The following FAM163A variants were observed in gnomAD, a reference collection of about 807,000 sequenced individuals.
FAM163A encodes family with sequence similarity 163 member A, also known as protein FAM163A.
Under a neutral mutation model 12.0 loss-of-function variants are expected in FAM163A, and 7 were observed. The observed-to-expected ratio is 0.58, with a 90% CI of 0.33 to 1.10. The LOEUF (loss-of-function observed/expected upper bound fraction) is 1.10. Among genes scored for constraint, FAM163A ranks in the 50% least tolerant of loss-of-function variants. The pLI, the probability that FAM163A is intolerant of heterozygous loss-of-function variation, is 0.03. For synonymous variants in FAM163A, 101 were observed against 91.0 expected (o/e 1.11, Z -0.62); for missense variants, 202 against 218.6 (o/e 0.92, Z 0.48).
the FAM163A span, among the ~76,000 whole-genome samples, chr1:179,731,197 G>C: frequency 6.6e-6 from 1 of 151,324 alleles, no homozygotes; most frequent in Non-Finnish European, 1.5e-5. Flanking sequence ...ATACAGTCAG[G>C]GGACAAATAT....
upstream of FAM163A, chr1:179,743,041 G>A (rs1185513730): frequency 6.6e-6 from 1 of 152,356 alleles, no homozygotes; most frequent in Non-Finnish European, 1.5e-5. Flanking sequence ...CCCCTGTACT[G>A]AGGCGTTCCC....
chr1:179,749,989 G>A (rs2504046), intron 1 of FAM163A, among the ~76,000 whole-genome samples: 129,939 of 152,302 alleles, frequency 0.85, 55,974 homozygotes, highest in East Asian at 1. Context: ...TTTATTGTCT[G>A]TGAATTGGGG....
chr1:179,810,814 C>T (rs1694606192), intron 2 of FAM163A, among the ~76,000 whole-genome samples: 1 of 152,094 alleles, frequency 6.6e-6, no homozygotes, highest in African/African-American at 2.4e-5. Flanking sequence ...GGGTGGATCA[C>T]CCACCTTGGT....
intron 1 of FAM163A, among the ~76,000 whole-genome samples, chr1:179,770,030 C>A (rs1044429232): frequency 1.3e-5 from 2 of 151,366 alleles, no homozygotes; most frequent in African/African-American, 2.4e-5. Context: ...CTCATCCTCC[C>A]GAGTAGCTGG....
At chr1:179,765,716 A>C (rs1219752277) in intron 1 of FAM163A, among the ~76,000 whole-genome samples, 1 of 144,894 alleles carries the variant, frequency 6.9e-6, no homozygotes, top group Admixed American at 7.0e-5. Context: ...TTTAAATATC[A>C]GAGCTGGTTC....
rs1695250377 is a variant in FAM163A, at chr1:179,815,594, A to G, written c.*1405A>G. The G allele has an allele frequency of 6.6e-6, 1 of 152,100 alleles. No homozygotes were observed. The allele number at this position is 152,100 out of a possible 1,614,324, so 9.4% of individuals were successfully genotyped here. A position where few individuals can be genotyped will look rare whatever the true frequency, so the allele number is the denominator to read the frequency against. ...GCCTCATTTCCAACTCCGACTTCCTACTTAGAATGTGGCAGTGGCTTTGTG... is the reference window on the plus strand; with the variant it reads ...GCCTCATTTCCAACTCCGACTTCCTGCTTAGAATGTGGCAGTGGCTTTGTG... On this transcript the variant is annotated 3_prime_UTR_variant, in exon 5 of 5. Transcript: ENST00000341785.
intron 1 of FAM163A, among the ~76,000 whole-genome samples, chr1:179,758,000 A>T (rs2148026714): frequency 6.6e-6 from 1 of 152,318 alleles, no homozygotes; most frequent in Admixed American, 6.5e-5. Context: ...TTGGGGGAAG[A>T]TGCTAAGGAT....
intron 1 of FAM163A, among the ~76,000 whole-genome samples, chr1:179,802,746 CT>C (rs1252983907): frequency 6.6e-6 from 1 of 152,214 alleles, no homozygotes. Context: ...CTGCTCCTGA[CT>C]TTTGCCAATC....
At chr1:179,742,894 G>C (rs1389556388), upstream of FAM163A, among the ~76,000 whole-genome samples, 1 of 152,154 alleles carries the variant, frequency 6.6e-6, no homozygotes, top group African/African-American at 2.4e-5. Flanking sequence ...GTGCGGGCCG[G>C]AAATAGGAAC....
the FAM163A span, among the ~76,000 whole-genome samples, chr1:179,735,156 A>G: frequency 6.6e-6 from 1 of 152,222 alleles, no homozygotes; most frequent in Non-Finnish European, 1.5e-5. Context: ...AACAATAACA[A>G]TAACAGACAA....
At chr1:179,728,923 T>A in the FAM163A span, among the ~76,000 whole-genome samples, 1 of 152,164 alleles carries the variant, frequency 6.6e-6, no homozygotes, top group African/African-American at 2.4e-5. Context: ...ATGTGCAGCA[T>A]ATAAGCCCTG....
At chr1:179,747,106 G>A (rs1172325772) in intron 1 of FAM163A, among the ~76,000 whole-genome samples, 2 of 151,530 alleles carry the variant, frequency 1.3e-5, no homozygotes, top group Non-Finnish European at 2.9e-5. Context: ...CAAAAGATAC[G>A]TAGGAGGGCT....
At chr1:179,809,376 G>A (rs916130043) in intron 2 of FAM163A, among the ~76,000 whole-genome samples, 3 of 152,172 alleles carry the variant, frequency 2.0e-5, no homozygotes, top group African/African-American at 2.4e-5. Context: ...ACGATTCCTC[G>A]CAATCCTACT....
rs1687814489 is a variant in FAM163A, at chr1:179,768,543, G to A, written c.-136+25120G>A. ...GGTGGCTGGGCTAGTCCTGATCACT[G>A]TACACCTGTGAGAACATCCAGCTTT... On this transcript the variant is annotated intron_variant, in intron 1 of 4. Transcript: ENST00000341785. Among the ~76,000 whole-genome samples the A allele has an allele frequency of 2.0e-5, 3 of 152,264 alleles. No homozygotes were observed. In the East Asian group the frequency reaches 5.8e-4, roughly 29 times the overall value.
chr1:179,738,531 C>T (rs1683260814), upstream of FAM163A, among the ~76,000 whole-genome samples: 1 of 152,062 alleles, frequency 6.6e-6, no homozygotes, highest in Admixed American at 6.5e-5. Flanking sequence ...ACCAAGTAGG[C>T]TTTATTCCAG....
Position 179,814,241 on chromosome 1 carries a change from C to T in FAM163A, c.*52C>T, listed in dbSNP as rs911459847. 8 of 1,533,876 alleles carry T rather than the reference C, an allele frequency of 5.2e-6. No homozygotes were observed. The highest frequency in any genetic ancestry group is 2.8e-5 in the African/African-American group (2 of 72,508). Reference sequence around the variant, plus strand: ...ACCCACACTGCTGCCCTGGCGGGGGCCATGGGGGTGATGAATGACCCTCCA... The same window carrying T: ...ACCCACACTGCTGCCCTGGCGGGGGTCATGGGGGTGATGAATGACCCTCCA... On this transcript the variant is annotated 3_prime_UTR_variant, in exon 5 of 5. Coordinates refer to ENST00000341785, the MANE Select transcript of FAM163A (RefSeq NM_173509.3).
upstream of FAM163A, among the ~76,000 whole-genome samples, chr1:179,739,426 A>C (rs1217242223): frequency 2.0e-5 from 3 of 152,244 alleles, no homozygotes; most frequent in African/African-American, 7.2e-5. Flanking sequence ...GATCTAGACC[A>C]AGGTTGTCCA....
chr1:179,789,918 A>G (rs891803647), intron 1 of FAM163A, among the ~76,000 whole-genome samples: 6 of 152,220 alleles, frequency 3.9e-5, no homozygotes, highest in African/African-American at 1.4e-4. Flanking sequence ...GGCTACATTT[A>G]GGAGGGCTGA....
chr1:179,765,720 C>T (rs1320159231), intron 1 of FAM163A, among the ~76,000 whole-genome samples: 3 of 140,524 alleles, frequency 2.1e-5, no homozygotes, highest in South Asian at 4.4e-4. Flanking sequence ...AATATCAGAG[C>T]TGGTTCGAGA....
Sources: allele counts gnomAD v4.1 joint callset (sites outside exome capture counted in the v4.1 genomes callset), GRCh38; gene constraint gnomAD v4.1.1; transcripts MANE v1.5; gene names NCBI Gene and HGNC (gene_info 2026-07-23, HGNC 2026-07-21).